ZNF710: variants seen among roughly 807,000 people sequenced by gnomAD.
ZNF710 encodes zinc finger protein 710.
Under a neutral mutation model 50.6 loss-of-function variants are expected in ZNF710, and 13 were observed. That is an observed-to-expected ratio of 0.26 (90% CI 0.17 to 0.41). ZNF710 has a LOEUF of 0.41. Ranked by LOEUF, ZNF710 falls within the 10% of genes least tolerant of loss-of-function variation. ZNF710 has a pLI of 1.00. For missense variants in ZNF710, 721 were observed against 936.6 expected, an observed-to-expected ratio of 0.77 and a Z score of 3.01; for synonymous variants, 383 against 397.0, an observed-to-expected ratio of 0.96 and a Z score of 0.42.
rs1001145362 is a variant in ZNF710, at chr15:90,001,415, CGA to C, written c.-222_-221del. ...CTTCCAGGGAGGGAGAGAGCGCGAG[CGA>C]GAGAGCGAGCGAGAGGAGGGGGGAG... On this transcript the variant is annotated 5_prime_UTR_variant, in exon 1 of 5. Coordinates refer to ENST00000268154, the MANE Select transcript of ZNF710 (RefSeq NM_198526.4). The C allele has an allele frequency of 6.6e-6, 1 of 151,458 alleles. No individual in the cohort carries two copies. Among genetic ancestry groups the C allele is most frequent in the African/African-American group, 2.4e-5 (1 of 41,164 alleles). The allele number at this position is 151,458 out of a possible 1,614,324, so 9.4% of individuals were successfully genotyped here. A position where few individuals can be genotyped will look rare whatever the true frequency, so the allele number is the denominator to read the frequency against.
chr15:90,016,656 C>A (rs531272898), intron 1 of ZNF710, among the ~76,000 whole-genome samples: 2 of 152,112 alleles, frequency 1.3e-5, no homozygotes, highest in Non-Finnish European at 2.9e-5. Context: ...CTCAAGCTAA[C>A]GGCCTCAGTG....
At chr15:90,057,021 C>T (rs1899841116) in intron 1 of ZNF710, among the ~76,000 whole-genome samples, 2 of 152,146 alleles carry the variant, frequency 1.3e-5, no homozygotes, top group African/African-American at 2.4e-5. Flanking sequence ...ACACCCACCC[C>T]GCCACCCCCA....
intron 1 of ZNF710, among the ~76,000 whole-genome samples, chr15:90,041,696 A>C (rs866001513): frequency 6.6e-6 from 1 of 152,038 alleles, no homozygotes; most frequent in African/African-American, 2.4e-5. Context: ...TGCTCTCACA[A>C]CACCATAAGT....
chr15:90,042,172 C>T (rs1214840206), intron 1 of ZNF710, among the ~76,000 whole-genome samples: 2 of 152,122 alleles, frequency 1.3e-5, no homozygotes, highest in Non-Finnish European at 2.9e-5. Flanking sequence ...GCTGGGATTA[C>T]AGGCGAGAGC....
intron 1 of ZNF710, among the ~76,000 whole-genome samples, chr15:90,009,820 T>A (rs1344981776): frequency 6.6e-6 from 1 of 151,880 alleles, no homozygotes; most frequent in African/African-American, 2.4e-5. Context: ...CAGTGGAGCG[T>A]TTCAGCCCAG....
At chr15:90,049,797 A>G (rs745610813) in intron 1 of ZNF710, among the ~76,000 whole-genome samples, 3 of 152,150 alleles carry the variant, frequency 2.0e-5, no homozygotes, top group Non-Finnish European at 2.9e-5. Flanking sequence ...GTGAGCTCCT[A>G]GTAATGAGCA....
At chr15:90,049,066 T>C (rs140622003) in intron 1 of ZNF710, among the ~76,000 whole-genome samples, 193 of 152,362 alleles carry the variant, frequency 1.3e-3, no homozygotes, top group African/African-American at 4.3e-3. Context: ...ACATGTCAAA[T>C]GTTTAGGGGC....
intron 1 of ZNF710, among the ~76,000 whole-genome samples, chr15:90,013,934 C>G (rs76390837): frequency 0.025 from 3,840 of 152,226 alleles, 80 homozygotes; most frequent in Non-Finnish European, 0.036. Flanking sequence ...GGATTCTGAG[C>G]TTTTTGAAAG....
At chr15:90,035,232 T>G (rs558225398) in intron 1 of ZNF710, among the ~76,000 whole-genome samples, 1 of 152,348 alleles carries the variant, frequency 6.6e-6, no homozygotes, top group South Asian at 2.1e-4. Flanking sequence ...GGCTGAGACA[T>G]GAGGCAATGG....
intron 1 of ZNF710, among the ~76,000 whole-genome samples, chr15:90,010,916 T>G (rs1472066882): frequency 7.0e-6 from 1 of 143,486 alleles, no homozygotes; most frequent in Non-Finnish European, 1.5e-5. Context: ...TTTTTATTGT[T>G]GTTGGTTTTT....
Position 90,082,025 on chromosome 15 carries a change from C to T in ZNF710, c.*2196C>T, listed in dbSNP as rs1333580240. Reference sequence around the variant, plus strand: ...TTCTCAAAAGAGGTGCACAGCCTCTCGGGTGACTTGGAAACTCCTGGACAA... The same window carrying T: ...TTCTCAAAAGAGGTGCACAGCCTCTTGGGTGACTTGGAAACTCCTGGACAA... On this transcript the variant is annotated 3_prime_UTR_variant, in exon 5 of 5. Transcript: ENST00000268154. The T allele has an allele frequency of 6.6e-6, 1 of 152,214 alleles. No homozygotes were observed. The highest frequency in any genetic ancestry group is 6.5e-5 in the Admixed American group (1 of 15,282). 9.4% of individuals were successfully genotyped at this position (152,214 alleles called of 1,614,324 possible).
intron 1 of ZNF710, among the ~76,000 whole-genome samples, chr15:90,033,728 C>G (rs975482405): frequency 3.3e-5 from 5 of 152,122 alleles, no homozygotes; most frequent in African/African-American, 1.2e-4. Flanking sequence ...CCAGCTTGTC[C>G]CATAGACTTG....
chr15:90,058,715 A>ATGTATG (rs1899907403), intron 1 of ZNF710, among the ~76,000 whole-genome samples: 2 of 130,002 alleles, frequency 1.5e-5, no homozygotes, highest in African/African-American at 9.6e-5. Context: ...ATATATATAT[A>ATGTATG]TATACACACA....
chr15:89,999,319 G>A (rs1897967274), upstream of ZNF710, among the ~76,000 whole-genome samples: 1 of 152,244 alleles, frequency 6.6e-6, no homozygotes, highest in Non-Finnish European at 1.5e-5. Context: ...GCGTCTTGCT[G>A]ATGATTCGGT....
In ZNF710 at chr15:90,062,499, AGGGAGGGGCCCCAGT is replaced by A. The variant is rs1900041961; in HGVS notation, c.-28-4607_-28-4593del. ...TGGTGGGAGAGGCCCTGCTCTAAGA[AGGGAGGGGCCCCAGT>A]GGGGCCCCAGGCGGATGACAGAGGG... On this transcript the variant is annotated intron_variant, in intron 1 of 4. Transcript: ENST00000268154. The surrounding 1 kb of genome is among the most constrained non-coding windows in gnomAD (Gnocchi z 5.6). Among the ~76,000 whole-genome samples, 1 of 150,620 alleles carries A rather than the reference AGGGAGGGGCCCCAGT, an allele frequency of 6.6e-6. No homozygotes were observed. Among genetic ancestry groups the A allele is most frequent in the African/African-American group, 2.4e-5 (1 of 41,270 alleles).
chr15:90,023,774 G>T (rs1004975122), intron 1 of ZNF710, among the ~76,000 whole-genome samples: 2 of 152,146 alleles, frequency 1.3e-5, no homozygotes, highest in African/African-American at 4.8e-5. Flanking sequence ...AAGGCAGGTG[G>T]ATCATTGAGC....
Position 90,001,436 on chromosome 15 carries a change from G to C in ZNF710, c.-207G>C, listed in dbSNP as rs971013298. On this transcript the variant is annotated 5_prime_UTR_variant, in exon 1 of 5. Coordinates refer to ENST00000268154, the MANE Select transcript of ZNF710 (RefSeq NM_198526.4). ...CGAGCGAGAGAGCGAGCGAGAGGAGGGGGGAGAGAGAGAAAGAGAGGAGCC... is the reference window on the plus strand; with the variant it reads ...CGAGCGAGAGAGCGAGCGAGAGGAGCGGGGAGAGAGAGAAAGAGAGGAGCC... 2 of 152,118 alleles carry C rather than the reference G, an allele frequency of 1.3e-5. No homozygotes were observed. The highest frequency in any genetic ancestry group is 4.8e-5 in the African/African-American group (2 of 41,368). 9.4% of individuals were successfully genotyped at this position (152,118 alleles called of 1,614,324 possible).
chr15:90,074,795 A>G, intron 4 of ZNF710: 1 of 330,958 alleles, frequency 3.0e-6, no homozygotes, highest in South Asian at 2.3e-5. Context: ...GAGCCAGGTG[A>G]GGTCCCAACT....
At chr15:90,014,770 G>T (rs895855550) in intron 1 of ZNF710, among the ~76,000 whole-genome samples, 5 of 151,936 alleles carry the variant, frequency 3.3e-5, no homozygotes, top group Non-Finnish European at 7.4e-5. Context: ...AAAATCAAAG[G>T]AGTCTCCCAG....
Sources: gnomAD v4.1 joint callset for allele counts (sites outside exome capture counted in the v4.1 genomes callset) on GRCh38, gnomAD v4.1.1 for gene constraint, Gnocchi (gnomAD v3.1) non-coding constraint, MANE v1.5 for transcripts, NCBI Gene and HGNC (gene_info 2026-07-23, HGNC 2026-07-21) for gene names.